Variants in PDGFD observed in about 807,000 individuals in gnomAD.
The protein encoded by PDGFD is platelet derived growth factor D.
A neutral mutation model predicts 44.7 loss-of-function variants in PDGFD; 30 were observed. The ratio of observed to expected loss-of-function variants is 0.67; its 90% CI spans 0.50 to 0.91. The LOEUF (loss-of-function observed/expected upper bound fraction) is 0.91. Among genes scored for constraint, PDGFD ranks in the 40% least tolerant of loss-of-function variants. The pLI, the probability that PDGFD is intolerant of heterozygous loss-of-function variation, is 0.00. For missense variants in PDGFD, 445 were observed against 457.8 expected (o/e 0.97, Z 0.25); for synonymous variants, 173 against 168.4 (o/e 1.03, Z -0.21).
At position 103,943,583 on chromosome 11, in the gene PDGFD, A is replaced by G; in HGVS notation, c.641T>C (p.Ile214Thr). 6.2e-7 allele frequency: 1 copy of G among 1,613,178 alleles called. No individual in the cohort carries two copies. The highest frequency in any genetic ancestry group is 8.5e-7 in the Non-Finnish European group (1 of 1,179,548). The change falls in exon 5 of 7, where the codon ATT becomes ACT. Residue 214 changes from isoleucine (I) to threonine (T), a missense_variant. By Grantham distance (89) the Ile-to-Thr change is moderately conservative (BLOSUM62 -1). Coordinates refer to ENST00000393158, the MANE Select transcript of PDGFD (RefSeq NM_025208.5). ...ATCTTCCACTGTATCAAATTCTGCAATTTTTTTGTCCAGAGCATCCGCAAT... is the reference window on the plus strand; with the variant it reads ...ATCTTCCACTGTATCAAATTCTGCAGTTTTTTTGTCCAGAGCATCCGCAAT... ...TLIADALDKK[I>T]AEFDTVEDLL... is the part of the protein sequence containing the mutation.
chr11:103,961,930 C>T (rs531200510), intron 3 of PDGFD, among the ~76,000 whole-genome samples: 33 of 152,252 alleles, frequency 2.2e-4, no homozygotes, highest in African/African-American at 7.2e-4. Flanking sequence ...GTTAATATAG[C>T]CACATCTTCA....
At chr11:104,012,452 G>T (rs1156720110) in intron 1 of PDGFD, among the ~76,000 whole-genome samples, 3 of 152,190 alleles carry the variant, frequency 2.0e-5, no homozygotes, top group Non-Finnish European at 4.4e-5. Flanking sequence ...AGAATACTGT[G>T]TGCTTTTAAT....
chr11:103,934,298 G>A (rs781278930), intron 5 of PDGFD, among the ~76,000 whole-genome samples: 20 of 152,210 alleles, frequency 1.3e-4, no homozygotes, highest in Non-Finnish European at 2.4e-4. Context: ...TATTACTGAA[G>A]TGAGTAACAC....
chr11:104,117,920 A>G (rs1199789238), intron 1 of PDGFD, among the ~76,000 whole-genome samples: 1 of 151,978 alleles, frequency 6.6e-6, no homozygotes, highest in East Asian at 1.9e-4. Flanking sequence ...GAGCCTGCAG[A>G]GCCAAAGCAA....
At chr11:104,146,709 G>A (rs531127233) in intron 1 of PDGFD, among the ~76,000 whole-genome samples, 2 of 152,240 alleles carry the variant, frequency 1.3e-5, no homozygotes, top group South Asian at 2.1e-4. Flanking sequence ...CTACCCAGAC[G>A]TTTTCCTCCT....
At chr11:104,159,893 A>G (rs1250953635) in intron 1 of PDGFD, among the ~76,000 whole-genome samples, 1 of 152,216 alleles carries the variant, frequency 6.6e-6, no homozygotes, top group Non-Finnish European at 1.5e-5. Flanking sequence ...AAAAGTTTCT[A>G]TAAAATGATA....
rs373315705 is a variant in PDGFD, at chr11:103,986,974, C to G, written c.510+9091G>C. 1.4e-4 allele frequency among the ~76,000 whole-genome samples: 22 copies of G among 152,186 alleles called. 1 individual carries two copies. The East Asian group carries it at 4.1e-3, about 28-fold the overall frequency. ...AACTGGTTCATCTGGCCTCGTGGTC[C>G]GCAACCAGGAACTGACTGAGCACAA... On this transcript the variant is annotated intron_variant, in intron 3 of 6. Coordinates refer to ENST00000393158, the MANE Select transcript of PDGFD (RefSeq NM_025208.5).
intron 2 of PDGFD, among the ~76,000 whole-genome samples, chr11:103,999,519 G>A (rs1472188921): frequency 6.6e-6 from 1 of 152,136 alleles, no homozygotes; most frequent in Non-Finnish European, 1.5e-5. Flanking sequence ...GGAATCTGGG[G>A]TGAGCTTTCT....
chr11:104,127,452 T>C (rs361301), intron 1 of PDGFD, among the ~76,000 whole-genome samples: 97,557 of 151,956 alleles, frequency 0.64, 31,808 homozygotes, highest in African/African-American at 0.76. Context: ...ATTCACTTTT[T>C]GAAGGGAATT....
intron 1 of PDGFD, among the ~76,000 whole-genome samples, chr11:104,048,232 G>A (rs1196683836): frequency 6.6e-6 from 1 of 151,950 alleles, no homozygotes; most frequent in African/African-American, 2.4e-5. Flanking sequence ...TACTGACCCA[G>A]ACAAATCCAG....
At chr11:104,040,798 CTA>C (rs1231180546) in intron 1 of PDGFD, among the ~76,000 whole-genome samples, 1 of 151,838 alleles carries the variant, frequency 6.6e-6, no homozygotes, top group African/African-American at 2.4e-5. Context: ...ATATGTATTT[CTA>C]TCTCTCTATA....
intron 1 of PDGFD, among the ~76,000 whole-genome samples, chr11:104,115,337 G>A (rs1861619573): frequency 6.7e-6 from 1 of 149,010 alleles, no homozygotes; most frequent in Admixed American, 6.8e-5. Context: ...TCATATATGT[G>A]TATATAAATA....
chr11:103,920,342 T>C (rs1200786950), intron 6 of PDGFD, among the ~76,000 whole-genome samples: 2 of 152,258 alleles, frequency 1.3e-5, no homozygotes, highest in Non-Finnish European at 2.9e-5. Flanking sequence ...AATAGTTAAA[T>C]GATTTTGACA....
At chr11:104,057,717 A>T (rs1860643996) in intron 1 of PDGFD, among the ~76,000 whole-genome samples, 1 of 152,216 alleles carries the variant, frequency 6.6e-6, no homozygotes, top group Non-Finnish European at 1.5e-5. Flanking sequence ...TAGCTAAAAC[A>T]ATTTAGAAAA....
intron 1 of PDGFD, among the ~76,000 whole-genome samples, chr11:104,009,040 A>G (rs149919510): frequency 7.4e-4 from 113 of 152,218 alleles, no homozygotes; most frequent in Non-Finnish European, 1.5e-3. Context: ...CAAGGGCCCT[A>G]TATTTGTGAG....
intron 1 of PDGFD, among the ~76,000 whole-genome samples, chr11:104,143,085 C>T (rs1336357398): frequency 2.6e-5 from 4 of 152,136 alleles, no homozygotes; most frequent in African/African-American, 7.2e-5. Flanking sequence ...ATTTTCAGAA[C>T]ATAACAATAG....
intron 1 of PDGFD, among the ~76,000 whole-genome samples, chr11:104,137,655 C>T (rs1370978215): frequency 6.6e-6 from 1 of 150,816 alleles, no homozygotes; most frequent in Non-Finnish European, 1.5e-5. Flanking sequence ...ATTTGACTTG[C>T]ACATAACAAA....
intron 1 of PDGFD, among the ~76,000 whole-genome samples, chr11:104,153,477 G>C (rs1359239224): frequency 2.0e-5 from 3 of 152,142 alleles, no homozygotes; most frequent in Non-Finnish European, 4.4e-5. Context: ...ATAAATAAAG[G>C]AGTAGCAAAA....
At chr11:104,089,661 T>C (rs1208683524) in intron 1 of PDGFD, among the ~76,000 whole-genome samples, 1 of 152,136 alleles carries the variant, frequency 6.6e-6, no homozygotes, top group Non-Finnish European at 1.5e-5. Context: ...GATGAGGAAG[T>C]GAGTATTGCC....
Sources: gnomAD v4.1 joint callset for allele counts (sites outside exome capture counted in the v4.1 genomes callset) on GRCh38, gnomAD v4.1.1 for gene constraint, MANE v1.5 for transcripts, NCBI Gene and HGNC (gene_info 2026-07-23, HGNC 2026-07-21) for gene names.